MCM9: variants seen among roughly 807,000 people sequenced by gnomAD.
MCM9 encodes the protein minichromosome maintenance 9 homologous recombination repair factor, also known as DNA helicase MCM9.
MCM9 carries 55 observed loss-of-function variants against 72.8 expected under a neutral mutation model. That is an observed-to-expected ratio of 0.76 (90% confidence interval 0.61 to 0.95). MCM9 has a LOEUF of 0.95. MCM9 is among the 40% of genes least tolerant of loss of function. MCM9 has a pLI of 0.00. For synonymous variants in MCM9, 480 were observed against 503.4 expected, an observed-to-expected ratio of 0.95 and a Z score of 0.62; for missense variants, 1,279 against 1,377.0, an observed-to-expected ratio of 0.93 and a Z score of 1.13.
intron 8 of MCM9, among the ~76,000 whole-genome samples, chr6:118,862,658 G>A (rs982926464): frequency 7.2e-5 from 11 of 152,198 alleles, no homozygotes; most frequent in South Asian, 2.1e-4. Context: ...GTGGTAATGC[G>A]AGCAATGGGG....
intron 9 of MCM9, among the ~76,000 whole-genome samples, chr6:118,852,341 ATAAT>A (rs1432722536): frequency 6.6e-6 from 1 of 152,198 alleles, no homozygotes; most frequent in Non-Finnish European, 1.5e-5. Flanking sequence ...GAGTAGCAAA[ATAAT>A]TAAAGTTCAA....
At chr6:118,828,156 TAAGTTCTTAG>T in intron 10 of MCM9, 26 bp from the exon 11 acceptor site, 1 of 1,527,856 alleles carries the variant, frequency 6.5e-7, no homozygotes, top group Non-Finnish European at 8.9e-7. Context: ...GTTGGGTCAG[TAAGTTCTTAG>T]GACAGGCAAA....
chr6:118,927,453 T>A (rs183807334), intron 3 of MCM9, among the ~76,000 whole-genome samples: 1,583 of 151,808 alleles, frequency 0.01, 29 homozygotes, highest in African/African-American at 0.036. Context: ...AAAATACAAA[T>A]AATTAGCCAG....
chr6:118,916,453 T>G (rs1780962368), intron 6 of MCM9, among the ~76,000 whole-genome samples: 1 of 147,718 alleles, frequency 6.8e-6, no homozygotes, highest in African/African-American at 2.5e-5. Flanking sequence ...TTATTATTAT[T>G]ATTATTATTA....
chr6:118,816,110 G>C lies in MCM9; in HGVS notation c.2146C>G (p.Pro716Ala). 6.5e-7 allele frequency: 1 copy of C among 1,550,320 alleles called. No homozygotes were observed. Among genetic ancestry groups the C allele is most frequent in the Non-Finnish European group, 8.7e-7 (1 of 1,146,814 alleles). ...GSPEGSPVLD[P>A]PPHLEPNRST... ...CTATTAGGCTCCAGATGCGGTGGGG[G>C]ATCTAGAACTGGGCTTCCCTCGGGG... The change falls in exon 14 of 14, where the codon CCC becomes GCC. Residue 716 changes from proline (P) to alanine (A), a missense_variant. Physicochemically the swap from Pro to Ala is conservative, Grantham distance 27. Coordinates refer to ENST00000619706, the MANE Select transcript of MCM9 (RefSeq NM_017696.3).
chr6:118,814,765 T>A lies in MCM9; in HGVS notation c.*59A>T. 1.4e-6 allele frequency: 2 copies of A among 1,414,304 alleles called. No individual in the cohort carries two copies. The highest frequency in any genetic ancestry group is 9.4e-7 in the Non-Finnish European group (1 of 1,066,752). 87.6% of individuals were successfully genotyped at this position (1,414,304 alleles called of 1,614,324 possible). On this transcript the variant is annotated 3_prime_UTR_variant, in exon 14 of 14. Transcript: ENST00000619706. The stretch of plus-strand genomic sequence containing the variant: ...TACATTTATAAATACCATATTGATA[T>A]CCTGAAGGTCCTCTGTGGAGTTGAA...
chr6:118,920,390 C>T (rs564864722), intron 5 of MCM9: 1 of 152,378 alleles, frequency 6.6e-6, no homozygotes, highest in East Asian at 1.9e-4. Flanking sequence ...AACCTCCAGC[C>T]TCCAAAACTG....
intron 8 of MCM9, among the ~76,000 whole-genome samples, chr6:118,903,528 T>G (rs1362653299): frequency 6.6e-6 from 1 of 151,950 alleles, no homozygotes; most frequent in African/African-American, 2.4e-5. Flanking sequence ...TAAACATGTT[T>G]AGATCACAGG....
chr6:118,922,852 G>A (rs928543659), intron 4 of MCM9, among the ~76,000 whole-genome samples: 7 of 151,910 alleles, frequency 4.6e-5, no homozygotes, highest in Non-Finnish European at 7.4e-5. Context: ...GACCAACATC[G>A]TGAAACCCTG....
chr6:118,858,867 G>A (rs1375632965), intron 8 of MCM9, among the ~76,000 whole-genome samples: 1 of 152,118 alleles, frequency 6.6e-6, no homozygotes, highest in Non-Finnish European at 1.5e-5. Flanking sequence ...AAACTGTTCT[G>A]TAGTTAAATG....
chr6:118,815,446 T>A lies in MCM9; in HGVS notation c.2810A>T (p.Asp937Val), dbSNP rs1318862001. Residue 937 changes from aspartate to valine, a missense_variant, in exon 14 of 14, where the codon GAT becomes GTT. Transcript: ENST00000619706. ...QKSKLIHSFE[D>V]HSHVSPGATK... ...TGCACCAGGTGACACATGGCTGTGA[T>A]CTTCAAAGGAGTGGATCAGTTTTGA... 1 of 1,550,392 alleles carries A rather than the reference T, an allele frequency of 6.4e-7. No individual in the cohort carries two copies. Among genetic ancestry groups the A allele is most frequent in the Admixed American group, 2.0e-5 (1 of 50,960 alleles).
chr6:118,846,362 G>C (rs1309223152), intron 9 of MCM9, among the ~76,000 whole-genome samples: 1 of 151,918 alleles, frequency 6.6e-6, no homozygotes, highest in Non-Finnish European at 1.5e-5. Flanking sequence ...CCTTACTGGA[G>C]TGGAAAGATC....
At chr6:118,858,623 T>C (rs569867959) in intron 8 of MCM9, among the ~76,000 whole-genome samples, 2 of 152,064 alleles carry the variant, frequency 1.3e-5, no homozygotes, top group Non-Finnish European at 2.9e-5. Flanking sequence ...AATAATCTAC[T>C]AAAAACCAAC....
intron 8 of MCM9, among the ~76,000 whole-genome samples, chr6:118,899,736 C>G (rs1199620449): frequency 1.3e-5 from 2 of 152,132 alleles, no homozygotes; most frequent in Non-Finnish European, 2.9e-5. Context: ...ATTTAGGGAA[C>G]AAAAATATCT....
chr6:118,894,479 C>T (rs959866496), intron 8 of MCM9: 7 of 1,537,074 alleles, frequency 4.6e-6, no homozygotes. Flanking sequence ...ACAACCCGTT[C>T]CAGTTCGAGA....
At position 118,815,754 on chromosome 6, in the gene MCM9, AT is replaced by A. The variant is rs1376147365; in HGVS notation, c.2501del (p.Asp834ValfsTer7). The A allele has an allele frequency of 9.7e-6, 15 of 1,542,810 alleles. No individual in the cohort carries two copies. In the Admixed American group the frequency reaches 1.8e-4, roughly 18 times the overall value. On this transcript the variant is annotated frameshift_variant, in exon 14 of 14. Transcript: ENST00000619706. LOFTEE classifies it low-confidence loss of function (END_TRUNC). ...ALDSEAAVSADKPDSVLTHHV... is the reference protein window; with the variant it reads ...ALDSEAAVSAXKPDSVLTHHV... ...GATGAGTCAGTACTGAGTCTGGTTT[AT>A]CAGCAGAGACTGCTGCTTCAGAATC...
intron 1 of MCM9, among the ~76,000 whole-genome samples, chr6:118,934,627 C>G (rs1393288450): frequency 6.6e-6 from 1 of 152,080 alleles, no homozygotes; most frequent in South Asian, 2.1e-4. Context: ...CGCTCGGCTG[C>G]CCCAGGGGCG....
At chr6:118,853,339 G>A (rs757642324) in intron 9 of MCM9, among the ~76,000 whole-genome samples, 6 of 152,096 alleles carry the variant, frequency 3.9e-5, no homozygotes, top group African/African-American at 9.7e-5. Flanking sequence ...TTAAAACAAC[G>A]TAAGTCCTCC....
chr6:118,927,760 T>C (rs1337981442), intron 3 of MCM9, among the ~76,000 whole-genome samples: 1 of 152,244 alleles, frequency 6.6e-6, no homozygotes, highest in Non-Finnish European at 1.5e-5. Flanking sequence ...CAAAGCTGTG[T>C]AATTTAATTG....
Sources: gnomAD v4.1 joint callset for allele counts (sites outside exome capture counted in the v4.1 genomes callset) on GRCh38, gnomAD v4.1.1 for gene constraint, MANE v1.5 for transcripts, NCBI Gene and HGNC (gene_info 2026-07-23, HGNC 2026-07-21) for gene names.